Variants in NRF1 observed in about 807,000 individuals in gnomAD.
NRF1 encodes the protein nuclear respiratory factor 1.
In NRF1, 5 loss-of-function variants were observed where a neutral mutation model predicts 58.5. That is an observed-to-expected ratio of 0.09 (90% CI 0.04 to 0.18). The LOEUF is 0.18. NRF1 is among the 10% of genes least tolerant of loss of function. The pLI is 1.00. For synonymous variants in NRF1, 224 were observed against 246.7 expected (o/e 0.91, Z 0.86); for missense variants, 288 against 657.7 (o/e 0.44, Z 6.15).
chr7:129,711,359 A>C, intron 7 of NRF1, 116 bp from the exon 8 acceptor site: 1 of 653,478 alleles, frequency 1.5e-6, no homozygotes, highest in East Asian at 2.9e-5. Flanking sequence ...TCACATCATA[A>C]GGCATATTCT....
intron 5 of NRF1, among the ~76,000 whole-genome samples, chr7:129,699,777 A>G (rs900498920): frequency 6.6e-6 from 1 of 151,724 alleles, no homozygotes; most frequent in Non-Finnish European, 1.5e-5. Context: ...ACCAGGGACC[A>G]TGGGGAGGTA....
intron 9 of NRF1, among the ~76,000 whole-genome samples, chr7:129,722,210 G>A (rs909163954): frequency 2.6e-5 from 4 of 151,940 alleles, no homozygotes; most frequent in African/African-American, 9.7e-5. Context: ...GCCTCAACAT[G>A]GAGAAACCCC....
chr7:129,647,960 CATTTA>C (rs763061070), intron 1 of NRF1, among the ~76,000 whole-genome samples: 54 of 152,186 alleles, frequency 3.5e-4, no homozygotes, highest in Middle Eastern at 6.8e-3. Context: ...TCTAACATGT[CATTTA>C]ATTTTAATTT....
chr7:129,675,070 T>G (rs929084961), intron 3 of NRF1, among the ~76,000 whole-genome samples: 1 of 152,194 alleles, frequency 6.6e-6, no homozygotes, highest in Non-Finnish European at 1.5e-5. Context: ...CTAAATCTTT[T>G]ATTGTCATTT....
intron 2 of NRF1, among the ~76,000 whole-genome samples, chr7:129,663,473 T>G (rs866443153): frequency 3.2e-5 from 4 of 123,078 alleles, no homozygotes; most frequent in African/African-American, 9.5e-5. Context: ...CGAGCAGAGG[T>G]GCTCCTCACC....
At chr7:129,662,555 C>T (rs147287791) in intron 2 of NRF1, among the ~76,000 whole-genome samples, 10 of 151,980 alleles carry the variant, frequency 6.6e-5, no homozygotes, top group Admixed American at 3.3e-4. Context: ...TTCTTGTTCA[C>T]GTTGGCTCTT....
At chr7:129,740,700 C>T (rs1584688252) in intron 10 of NRF1, among the ~76,000 whole-genome samples, 1 of 152,230 alleles carries the variant, frequency 6.6e-6, no homozygotes, top group African/African-American at 2.4e-5. Flanking sequence ...GAGAGTATCT[C>T]CTGTCCCTCT....
intron 4 of NRF1, among the ~76,000 whole-genome samples, chr7:129,680,704 C>T (rs947912857): frequency 6.6e-6 from 1 of 152,154 alleles, no homozygotes; most frequent in African/African-American, 2.4e-5. Flanking sequence ...CAAAAGATCA[C>T]ATGTTGTATG....
At chr7:129,673,683 C>T (rs1386091295) in intron 3 of NRF1, among the ~76,000 whole-genome samples, 1 of 143,688 alleles carries the variant, frequency 7.0e-6, no homozygotes, top group African/African-American at 2.6e-5. Flanking sequence ...CGCCACAGCA[C>T]TCCCGCCTGG....
Position 129,677,689 on chromosome 7 carries a change from C to G in NRF1, c.396C>G (p.Val132=), listed in dbSNP as rs767600512. 2.5e-6 allele frequency: 4 copies of G among 1,614,058 alleles called. No homozygotes were observed. The highest frequency in any genetic ancestry group is 2.7e-5 in the African/African-American group (2 of 75,054). The part of the protein sequence containing the change: ...YTTRVGQQAI[V]LCISPSKPNP... ...CTCGTGTGGGACAGCAAGCTATTGTCCTCTGTATCTCACCCTCCAAACCTA... is the reference window on the plus strand; with the variant it reads ...CTCGTGTGGGACAGCAAGCTATTGTGCTCTGTATCTCACCCTCCAAACCTA... Residue 132 remains valine, a synonymous_variant, in exon 4 of 11, where the codon GTC becomes GTG. Coordinates refer to ENST00000393232, the MANE Select transcript of NRF1 (RefSeq NM_005011.5).
chr7:129,638,294 T>C lies in NRF1; in HGVS notation c.-6-19052T>C, dbSNP rs1253749734. On this transcript the variant is annotated intron_variant, in intron 1 of 10. Transcript: ENST00000393232. ...TCCCCTTTCATAGTTACAAGTCTGT[T>C]CTTCAGAACAAAATCTTGGCAGCCA... Among the ~76,000 whole-genome samples the C allele has an allele frequency of 3.3e-5, 5 of 152,190 alleles. No homozygotes were observed. In the South Asian group the frequency reaches 8.3e-4, roughly 25 times the overall value.
At position 129,741,229 on chromosome 7, in the gene NRF1, C is replaced by G. The variant is rs1400168631; in HGVS notation, c.1349-13789C>G. ...GACATTCCGAGCAGACAACTCAGGT[C>G]AGGGCTTCCGGACAGATTCCCAAGG... On this transcript the variant is annotated intron_variant, in intron 10 of 10. Transcript: ENST00000393232. The surrounding 1 kb of genome is among the most constrained non-coding windows in gnomAD (Gnocchi z 4.0). 6.6e-6 allele frequency among the ~76,000 whole-genome samples: 1 copy of G among 152,198 alleles called. No individual in the cohort carries two copies. Among genetic ancestry groups the G allele is most frequent in the African/African-American group, 2.4e-5 (1 of 41,446 alleles).
intron 10 of NRF1, among the ~76,000 whole-genome samples, chr7:129,731,652 A>G (rs1803582821): frequency 7.0e-6 from 1 of 142,404 alleles, no homozygotes; most frequent in Non-Finnish European, 1.6e-5. Context: ...GTTTTGAGAC[A>G]GGGTCTCACT....
chr7:129,613,176 C>T (rs764935506), intron 1 of NRF1, among the ~76,000 whole-genome samples: 1 of 152,128 alleles, frequency 6.6e-6, no homozygotes, highest in Non-Finnish European at 1.5e-5. Context: ...CATCTGTGCT[C>T]ACAGTGATCC....
At chr7:129,690,773 T>C (rs1802548392) in intron 5 of NRF1, among the ~76,000 whole-genome samples, 1 of 152,070 alleles carries the variant, frequency 6.6e-6, no homozygotes, top group African/African-American at 2.4e-5. Flanking sequence ...TGGCAGTTTT[T>C]TTTTCCCTTT....
At chr7:129,685,323 G>A (rs1802418275) in intron 4 of NRF1, among the ~76,000 whole-genome samples, 1 of 152,118 alleles carries the variant, frequency 6.6e-6, no homozygotes, top group Non-Finnish European at 1.5e-5. Context: ...GGCTGAGGTG[G>A]GAGGATCACT....
At position 129,727,380 on chromosome 7, in the gene NRF1, ATATTT is replaced by A. The variant is rs753516346; in HGVS notation, c.1348+20_1348+24del. 6.4e-7 allele frequency: 1 copy of A among 1,569,880 alleles called. No individual in the cohort carries two copies. Among genetic ancestry groups the A allele is most frequent in the Admixed American group, 2.0e-5 (1 of 49,054 alleles). ...AGATGCTAATGGTAAGAGAGCATAA[ATATTT>A]TATTAAATTTCTTCCCTGTTTCCAC... On this transcript the variant is annotated intron_variant, in intron 10 of 10. Coordinates refer to ENST00000393232, the MANE Select transcript of NRF1 (RefSeq NM_005011.5).
chr7:129,721,846 G>T (rs1298283294), intron 9 of NRF1, among the ~76,000 whole-genome samples: 1 of 152,064 alleles, frequency 6.6e-6, no homozygotes, highest in African/African-American at 2.4e-5. Context: ...ATAAAATGGG[G>T]CTTTTATATA....
intron 1 of NRF1, among the ~76,000 whole-genome samples, chr7:129,619,396 GTATATA>G (rs749333673): frequency 0.028 from 1,339 of 47,286 alleles, 24 homozygotes; most frequent in African/African-American, 0.056. Flanking sequence ...TGGCATACGT[GTATATA>G]TATATATATA....
Sources: allele counts gnomAD v4.1 joint callset (sites outside exome capture counted in the v4.1 genomes callset), GRCh38; gene constraint gnomAD v4.1.1; non-coding constraint Gnocchi (gnomAD v3.1); transcripts MANE v1.5; gene names NCBI Gene and HGNC (gene_info 2026-07-23, HGNC 2026-07-21).